The following PRDM5 variants were observed in gnomAD, a reference collection of about 807,000 sequenced individuals.
PRDM5 encodes PR domain zinc finger protein 5.
In PRDM5, 56 loss-of-function variants were observed where a neutral mutation model predicts 81.2. The ratio of observed to expected loss-of-function variants is 0.69; its 90% CI spans 0.56 to 0.86. The LOEUF (loss-of-function observed/expected upper bound fraction) is 0.86. PRDM5 is among the 40% of genes least tolerant of loss of function. The pLI, the probability that PRDM5 is intolerant of heterozygous loss-of-function variation, is 0.00. For missense variants in PRDM5, 697 were observed against 770.1 expected (o/e 0.91, Z 1.12); for synonymous variants, 267 against 256.4 (o/e 1.04, Z -0.39).
chr4:120,684,911 T>C (rs1255135102), downstream of PRDM5: 1 of 151,996 alleles, frequency 6.6e-6, no homozygotes, highest in Non-Finnish European at 1.5e-5. Flanking sequence ...TCATAGGATG[T>C]CATTTTACCT....
intron 2 of PRDM5, among the ~76,000 whole-genome samples, chr4:120,871,284 A>T (rs1046140128): frequency 6.6e-6 from 1 of 152,224 alleles, no homozygotes; most frequent in African/African-American, 2.4e-5. Context: ...ATATGAAGAC[A>T]ACTATCTGCT....
intron 13 of PRDM5, among the ~76,000 whole-genome samples, chr4:120,763,314 T>C (rs914824562): frequency 3.3e-5 from 5 of 151,938 alleles, no homozygotes; most frequent in Non-Finnish European, 7.4e-5. Flanking sequence ...GAATACGAGA[T>C]GCAGAATGAA....
At chr4:120,827,713 G>A (rs981251691) in intron 3 of PRDM5, among the ~76,000 whole-genome samples, 5 of 151,956 alleles carry the variant, frequency 3.3e-5, no homozygotes, top group African/African-American at 1.2e-4. Context: ...AAATCAATCC[G>A]TGGGTAACAG....
At chr4:120,813,419 C>T (rs1217335264) in intron 7 of PRDM5, among the ~76,000 whole-genome samples, 1 of 152,178 alleles carries the variant, frequency 6.6e-6, no homozygotes, top group Non-Finnish European at 1.5e-5. Flanking sequence ...TCCCACTTCT[C>T]TATATTTTGA....
chr4:120,808,092 A>G (rs530015622), intron 8 of PRDM5, among the ~76,000 whole-genome samples: 6 of 152,262 alleles, frequency 3.9e-5, no homozygotes, highest in African/African-American at 1.4e-4. Flanking sequence ...CAGCAGCAAG[A>G]CTTATTGCAA....
At chr4:120,712,088 C>T (rs187584166) in intron 14 of PRDM5, among the ~76,000 whole-genome samples, 2 of 152,138 alleles carry the variant, frequency 1.3e-5, no homozygotes, top group Admixed American at 6.5e-5. Flanking sequence ...CAGTTTGAGA[C>T]CAGCCTGGCC....
At chr4:120,750,271 G>A (rs1243995447) in intron 14 of PRDM5, among the ~76,000 whole-genome samples, 1 of 152,166 alleles carries the variant, frequency 6.6e-6, no homozygotes, top group Admixed American at 6.5e-5. Flanking sequence ...AGACTCAAGT[G>A]CAGAGCACCT....
chr4:120,806,321 C>T (rs1752923229), intron 8 of PRDM5, among the ~76,000 whole-genome samples: 1 of 152,202 alleles, frequency 6.6e-6, no homozygotes, highest in Non-Finnish European at 1.5e-5. Flanking sequence ...CTACTAATGA[C>T]TTTCTTCACA....
chr4:120,820,447 C>T (rs991954600), intron 4 of PRDM5, among the ~76,000 whole-genome samples: 2 of 152,190 alleles, frequency 1.3e-5, no homozygotes, highest in Non-Finnish European at 2.9e-5. Flanking sequence ...ATGTGAATAC[C>T]TATAGCATCA....
chr4:120,736,199 TTGTGTGTGTGTGTGTGTGTGTG>T (rs57073985), intron 14 of PRDM5, among the ~76,000 whole-genome samples: 5 of 145,246 alleles, frequency 3.4e-5, no homozygotes, highest in Non-Finnish European at 6.0e-5. Context: ...TACTATCCTT[TTGTGTGTGTGTGTGTGTGTGTG>T]TGTGTGTGTG....
intron 8 of PRDM5, among the ~76,000 whole-genome samples, chr4:120,802,886 G>A (rs1246200881): frequency 1.3e-5 from 2 of 152,202 alleles, no homozygotes; most frequent in Non-Finnish European, 2.9e-5. Flanking sequence ...AGAGAAGAAG[G>A]CTTCAGACGA....
In PRDM5 at chr4:120,853,370, C is replaced by A. The variant is rs368529946; in HGVS notation, c.300+48G>T. ...CAGGGAGTACAGTCATATATTAATTCATCCCCCCTCACAGTGCATAGTACA... is the reference window on the plus strand; with the variant it reads ...CAGGGAGTACAGTCATATATTAATTAATCCCCCCTCACAGTGCATAGTACA... On this transcript the variant is annotated intron_variant, in intron 3 of 15. Coordinates refer to ENST00000264808, the MANE Select transcript of PRDM5 (RefSeq NM_018699.4). 252 of 1,612,202 alleles carry A rather than the reference C, an allele frequency of 1.6e-4. 3 individuals are homozygous for A. In the African/African-American group the frequency reaches 2.8e-3, roughly 18 times the overall value.
In PRDM5 at chr4:120,802,285, G is replaced by A. The variant is rs553737029; in HGVS notation, c.946-2540C>T. Among the ~76,000 whole-genome samples the A allele has an allele frequency of 4.6e-5, 7 of 152,272 alleles. No homozygotes were observed. In the South Asian group the frequency reaches 6.2e-4, roughly 14 times the overall value. ...TAATAAAGAGGGCAGTTCCAAGATC[G>A]CTGAATAGGAACAGCTCCAGTCCAC... On this transcript the variant is annotated intron_variant, in intron 8 of 15. Coordinates refer to ENST00000264808, the MANE Select transcript of PRDM5 (RefSeq NM_018699.4).
chr4:120,855,052 T>C (rs17351182), intron 2 of PRDM5, among the ~76,000 whole-genome samples: 3,699 of 152,156 alleles, frequency 0.024, 67 homozygotes, highest in Non-Finnish European at 0.035. Flanking sequence ...CAGGAATCCA[T>C]CTAGACAGTT....
At chr4:120,725,028 C>T (rs1739191388) in intron 14 of PRDM5, among the ~76,000 whole-genome samples, 1 of 152,138 alleles carries the variant, frequency 6.6e-6, no homozygotes, top group South Asian at 2.1e-4. Context: ...GTTGTCCTGG[C>T]AGAGATCTTG....
chr4:120,753,885 C>A (rs921766585), intron 14 of PRDM5, among the ~76,000 whole-genome samples: 1 of 152,112 alleles, frequency 6.6e-6, no homozygotes, highest in African/African-American at 2.4e-5. Context: ...GTGCTTAAAT[C>A]GAATAGTGAG....
chr4:120,725,724 C>A (rs1739296917), intron 14 of PRDM5, among the ~76,000 whole-genome samples: 1 of 152,126 alleles, frequency 6.6e-6, no homozygotes, highest in South Asian at 2.1e-4. Context: ...AACTCCGTTT[C>A]TATATTAAAC....
chr4:120,736,329 G>A (rs1431758298), intron 14 of PRDM5, among the ~76,000 whole-genome samples: 1 of 151,926 alleles, frequency 6.6e-6, no homozygotes, highest in Non-Finnish European at 1.5e-5. Context: ...CAACAAACAC[G>A]AGAGCAGGTA....
chr4:120,690,096 C>A (rs55789843), downstream of PRDM5, among the ~76,000 whole-genome samples: 1 of 152,086 alleles, frequency 6.6e-6, no homozygotes, highest in Non-Finnish European at 1.5e-5. Flanking sequence ...AGTTTCCAAC[C>A]AGTTTTCATC....
Sources: gnomAD v4.1 joint callset for allele counts (sites outside exome capture counted in the v4.1 genomes callset) on GRCh38, gnomAD v4.1.1 for gene constraint, MANE v1.5 for transcripts, NCBI Gene and HGNC (gene_info 2026-07-23, HGNC 2026-07-21) for gene names.